The following DOCK2 variants were observed in gnomAD, a reference collection of about 807,000 sequenced individuals.
DOCK2 encodes the protein dedicator of cytokinesis 2.
DOCK2 carries 87 observed loss-of-function variants against 248.9 expected under a neutral mutation model. The ratio of observed to expected loss-of-function variants is 0.35; its 90% CI spans 0.29 to 0.42. The LOEUF (loss-of-function observed/expected upper bound fraction) is 0.42. Among genes scored for constraint, DOCK2 ranks in the 10% least tolerant of loss-of-function variants. The pLI is 1.00. For synonymous variants in DOCK2, 805 were observed against 821.6 expected (o/e 0.98, Z 0.35); for missense variants, 1,747 against 2,300.2 (o/e 0.76, Z 4.92).
chr5:169,884,173 T>G, intron 27 of DOCK2: 1 of 293,918 alleles, frequency 3.4e-6, no homozygotes, highest in East Asian at 5.7e-5. Flanking sequence ...AGGCTAACTA[T>G]TAAACATCTG....
intron 34 of DOCK2, among the ~76,000 whole-genome samples, chr5:170,030,231 G>C (rs748431052): frequency 3.9e-5 from 6 of 152,160 alleles, no homozygotes; most frequent in Non-Finnish European, 8.8e-5. Context: ...TTTATAAAAG[G>C]AGTCCTTAGA....
chr5:169,854,455 A>G (rs1040607143), intron 27 of DOCK2, among the ~76,000 whole-genome samples: 1 of 152,200 alleles, frequency 6.6e-6, no homozygotes, highest in African/African-American at 2.4e-5. Flanking sequence ...AAGTTCTGGG[A>G]TTACAGGTGT....
intron 27 of DOCK2, among the ~76,000 whole-genome samples, chr5:169,894,468 C>T (rs1175226548): frequency 6.6e-6 from 1 of 152,134 alleles, no homozygotes; most frequent in Non-Finnish European, 1.5e-5. Context: ...CGCCATCCAC[C>T]CTGGTACAGC....
intron 8 of DOCK2, among the ~76,000 whole-genome samples, chr5:169,686,215 C>G (rs540144075): frequency 6.6e-6 from 1 of 152,112 alleles, no homozygotes; most frequent in Non-Finnish European, 1.5e-5. Flanking sequence ...TAGAAGCAAC[C>G]GAGAGGAAAC....
At chr5:169,988,887 G>C (rs1325510632) in intron 29 of DOCK2, among the ~76,000 whole-genome samples, 1 of 152,146 alleles carries the variant, frequency 6.6e-6, no homozygotes, top group African/African-American at 2.4e-5. Flanking sequence ...CAGGTACCAT[G>C]ACTTATGCCA....
intron 9 of DOCK2, among the ~76,000 whole-genome samples, chr5:169,690,663 C>G (rs1027699663): frequency 2.0e-5 from 3 of 152,174 alleles, no homozygotes; most frequent in Non-Finnish European, 4.4e-5. Context: ...TCCCACAGGC[C>G]TTCCTGATTA....
intron 30 of DOCK2, among the ~76,000 whole-genome samples, chr5:169,997,685 C>G (rs1754695834): frequency 6.7e-6 from 1 of 150,214 alleles, no homozygotes; most frequent in Non-Finnish European, 1.5e-5. Context: ...TGTCACAGCA[C>G]ATGTTTCAGA....
At chr5:169,781,673 C>T (rs1178994784) in intron 25 of DOCK2, among the ~76,000 whole-genome samples, 11 of 152,150 alleles carry the variant, frequency 7.2e-5, no homozygotes, top group African/African-American at 1.2e-4. Context: ...CCACACAGGC[C>T]GTGGTGTGTG....
Position 169,810,615 on chromosome 5 carries a change from G to A in DOCK2, c.2703+7409G>A, listed in dbSNP as rs1767679255. On this transcript the variant is annotated intron_variant, in intron 26 of 51. Transcript: ENST00000520908. ...CTTTCCTTGTAAGAGTTAAAGCAGG[G>A]GGACTTCCTTATCATGCCAGCTCAA... 2.6e-5 allele frequency among the ~76,000 whole-genome samples: 4 copies of A among 152,226 alleles called. No individual in the cohort carries two copies. In the South Asian group the frequency reaches 6.2e-4, roughly 24 times the overall value.
chr5:169,861,123 C>T (rs1561771359), intron 27 of DOCK2, among the ~76,000 whole-genome samples: 3 of 152,170 alleles, frequency 2.0e-5, no homozygotes, highest in African/African-American at 2.4e-5. Flanking sequence ...ACGGGACACG[C>T]GGGGCTTCAT....
intron 25 of DOCK2, among the ~76,000 whole-genome samples, chr5:169,801,146 GTTTTTTTTTTTTTTTT>G (rs60574755): frequency 0.015 from 1,105 of 76,052 alleles, 31 homozygotes; most frequent in African/African-American, 0.039. Context: ...ATAGTTTTGG[GTTTTTTTTTTTTTTTT>G]TTTTTTTTTT....
intron 23 of DOCK2, among the ~76,000 whole-genome samples, chr5:169,756,490 A>G (rs1403213611): frequency 6.6e-6 from 1 of 152,238 alleles, no homozygotes; most frequent in Non-Finnish European, 1.5e-5. Flanking sequence ...GAAGAAACTC[A>G]GCACACACCA....
At chr5:170,023,613 A>G (rs906764876) in intron 33 of DOCK2, among the ~76,000 whole-genome samples, 3 of 152,194 alleles carry the variant, frequency 2.0e-5, no homozygotes, top group African/African-American at 7.2e-5. Flanking sequence ...AATTGGAACG[A>G]TTAGAGACAA....
chr5:169,959,867 C>T (rs1485679540), intron 27 of DOCK2, among the ~76,000 whole-genome samples: 1 of 152,072 alleles, frequency 6.6e-6, no homozygotes, highest in Non-Finnish European at 1.5e-5. Flanking sequence ...AGAGGTTTGG[C>T]CAGGAAAAGA....
intron 27 of DOCK2, among the ~76,000 whole-genome samples, chr5:169,889,506 G>A (rs1773164387): frequency 6.6e-6 from 1 of 152,208 alleles, no homozygotes; most frequent in Non-Finnish European, 1.5e-5. Context: ...ACGTTGTACA[G>A]GGTAGGGGAA....
At chr5:170,042,755 C>G (rs1756565178) in intron 38 of DOCK2, among the ~76,000 whole-genome samples, 1 of 152,246 alleles carries the variant, frequency 6.6e-6, no homozygotes, top group Non-Finnish European at 1.5e-5. Flanking sequence ...CCCCAGGTTA[C>G]CCTTATGGCT....
At chr5:169,681,113 CTTTTTTT>C (rs764614478) in intron 6 of DOCK2, among the ~76,000 whole-genome samples, 1 of 94,196 alleles carries the variant, frequency 1.1e-5, no homozygotes, top group African/African-American at 3.9e-5. Flanking sequence ...TTTAGTAGAC[CTTTTTTT>C]TTTTTTTTTT....
intron 27 of DOCK2, chr5:169,883,303 G>A (rs1772776206): frequency 6.4e-7 from 1 of 1,551,498 alleles, no homozygotes; most frequent in Admixed American, 2.0e-5. Flanking sequence ...AATGGCAGCT[G>A]TGGCTTTCTC....
intron 9 of DOCK2, among the ~76,000 whole-genome samples, chr5:169,693,275 A>G (rs1354759910): frequency 6.6e-6 from 1 of 152,160 alleles, no homozygotes; most frequent in African/African-American, 2.4e-5. Flanking sequence ...TTAGGAAGAA[A>G]GATCCAGAGT....
Sources: allele counts gnomAD v4.1 joint callset (sites outside exome capture counted in the v4.1 genomes callset), GRCh38; gene constraint gnomAD v4.1.1; transcripts MANE v1.5; gene names NCBI Gene and HGNC (gene_info 2026-07-23, HGNC 2026-07-21).